CR1: variants seen among roughly 807,000 people sequenced by gnomAD.
The protein encoded by CR1 is complement C3b/C4b receptor 1 (Knops blood group).
CR1 carries 116 observed loss-of-function variants against 187.3 expected under a neutral mutation model. The observed-to-expected ratio is 0.62, with a 90% CI of 0.53 to 0.72. The LOEUF (loss-of-function observed/expected upper bound fraction) is 0.72. Among genes scored for constraint, CR1 ranks in the 30% least tolerant of loss-of-function variants. The probability of loss-of-function intolerance (pLI) is 0.00; values close to 1 mark genes in which losing one functional copy is unlikely to be tolerated. For missense variants in CR1, 1,731 were observed against 2,110.7 expected (o/e 0.82, Z 3.52); for synonymous variants, 576 against 747.1 (o/e 0.77, Z 3.73).
intron 36 of CR1, among the ~76,000 whole-genome samples, chr1:207,608,114 C>A (rs993076516): frequency 6.6e-6 from 1 of 152,148 alleles, no homozygotes; most frequent in African/African-American, 2.4e-5. Context: ...CAGAGATACT[C>A]AATGCAATAA....
intron 3 of CR1, among the ~76,000 whole-genome samples, chr1:207,511,201 A>C (rs1284292105): frequency 2.0e-5 from 3 of 152,200 alleles, no homozygotes; most frequent in Non-Finnish European, 4.4e-5. Flanking sequence ...AGGCAAAGAA[A>C]TACATACAAC....
rs776791838 is a variant in CR1 at position 207,640,171 on chromosome 1, T to G, written c.*762T>G. The stretch of plus-strand genomic sequence containing the variant: ...TCTGGCTCTGTCTCCCAGGCTGGAG[T>G]GCAGTGGCGTAATCTCGGCTCACTG... On this transcript the variant is annotated 3_prime_UTR_variant, in exon 47 of 47. Transcript: ENST00000367049. 2 of 152,146 alleles carry G rather than the reference T, an allele frequency of 1.3e-5. No individual in the cohort carries two copies. Among genetic ancestry groups the G allele is most frequent in the Non-Finnish European group, 2.9e-5 (2 of 68,040 alleles). 9.4% of individuals were successfully genotyped at this position (152,146 alleles called of 1,614,324 possible).
Position 207,586,094 on chromosome 1 carries a change from G to A in CR1, c.5530+1218G>A, listed in dbSNP as rs186522421. 1.6e-3 allele frequency among the ~76,000 whole-genome samples: 246 copies of A among 151,782 alleles called. 1 individual carries two copies. The highest frequency in any genetic ancestry group is 0.01 in the Middle Eastern group (3 of 294). ...TTACAGAAGGCTGATGGCTTAGTCT[G>A]TTTTGTTCTGGTTCTTTTTTTGTTT... is the stretch of plus-strand genomic sequence containing the variant. On this transcript the variant is annotated intron_variant, in intron 33 of 46. Coordinates refer to ENST00000367049, the MANE Select transcript of CR1 (RefSeq NM_000651.6).
At chr1:207,609,883 G>A (rs578043778) in intron 37 of CR1, among the ~76,000 whole-genome samples, 195 bp downstream of exon 37, 1 of 152,290 alleles carries the variant, frequency 6.6e-6, no homozygotes, top group South Asian at 2.1e-4. Flanking sequence ...ACATATTTTA[G>A]ATGCATTTTT....
chr1:207,617,861 G>A (rs893687778), intron 41 of CR1, among the ~76,000 whole-genome samples: 2 of 151,744 alleles, frequency 1.3e-5, no homozygotes, highest in East Asian at 1.9e-4. Context: ...TGAAGTTAGA[G>A]ACTGTAGAGG....
intron 45 of CR1, among the ~76,000 whole-genome samples, chr1:207,624,979 C>T (rs1662436355): frequency 6.6e-6 from 1 of 152,162 alleles, no homozygotes; most frequent in South Asian, 2.1e-4. Context: ...ATTTGATTAT[C>T]TCCACCCTTC....
intron 45 of CR1, among the ~76,000 whole-genome samples, chr1:207,624,117 G>A (rs1459676794): frequency 6.6e-6 from 1 of 151,608 alleles, no homozygotes; most frequent in Non-Finnish European, 1.5e-5. Flanking sequence ...GTACAGAAAG[G>A]GTTTTGCCAT....
chr1:207,577,056 G>C (rs576000494), intron 28 of CR1, among the ~76,000 whole-genome samples: 6 of 152,102 alleles, frequency 3.9e-5, no homozygotes, highest in Non-Finnish European at 8.8e-5. Flanking sequence ...TTCGAGACCA[G>C]CCTGGCCAAC....
chr1:207,596,977 A>G lies in CR1; in HGVS notation c.5810+8203A>G, dbSNP rs1007709209. 2.0e-5 allele frequency among the ~76,000 whole-genome samples: 3 copies of G among 149,086 alleles called. No homozygotes were observed. The East Asian group carries it at 5.8e-4, about 29-fold the overall frequency. ...TGTATCCCCTACATAGTATAAGTTT[A>G]TCATAGTTTTTCTTACTTCATTCCT... On this transcript the variant is annotated intron_variant, in intron 35 of 46. Coordinates refer to ENST00000367049, the MANE Select transcript of CR1 (RefSeq NM_000651.6).
intron 33 of CR1, among the ~76,000 whole-genome samples, chr1:207,586,576 T>G (rs1046659086): frequency 6.6e-6 from 1 of 152,260 alleles, no homozygotes; most frequent in African/African-American, 2.4e-5. Context: ...TTTTGTAGGC[T>G]GAAATTGAGA....
chr1:207,617,507 A>ATATATATATG (rs1332301171), intron 41 of CR1, among the ~76,000 whole-genome samples: 17 of 47,026 alleles, frequency 3.6e-4, no homozygotes, highest in East Asian at 9.2e-4. Flanking sequence ...ATATATATAT[A>ATATATATATG]TGTGTGTGTG....
intron 35 of CR1, chr1:207,600,982 T>TA (rs1389894231): frequency 6.6e-6 from 1 of 152,280 alleles, no homozygotes. Context: ...TCCTTTTTGT[T>TA]ACTTGACAGG....
At chr1:207,581,439 G>GTA (rs948822710) in intron 31 of CR1, among the ~76,000 whole-genome samples, 2 of 149,898 alleles carry the variant, frequency 1.3e-5, no homozygotes, top group Admixed American at 6.7e-5. Flanking sequence ...ATATACATAT[G>GTA]TATATACATA....
chr1:207,634,613 C>T (rs1029242204), intron 46 of CR1, among the ~76,000 whole-genome samples: 5 of 144,356 alleles, frequency 3.5e-5, no homozygotes, highest in African/African-American at 8.1e-5. Context: ...CAGTAATAAC[C>T]GGGGAACAGA....
In CR1 at chr1:207,496,389, G is replaced by A; in HGVS notation, c.121+1G>A. ...CTGCTTGCGCTGCCGGTGGCCTGGG[G>A]TGAGAGGCGGGCGGGCGTGGGGAGG... On this transcript the variant is annotated splice_donor_variant, in intron 1 of 46. Transcript: ENST00000367049. LOFTEE classifies it high-confidence loss of function. 6.2e-7 allele frequency: 1 copy of A among 1,607,336 alleles called. No homozygotes were observed. The highest frequency in any genetic ancestry group is 1.3e-5 in the African/African-American group (1 of 74,914).
intron 43 of CR1, among the ~76,000 whole-genome samples, chr1:207,621,021 C>T (rs994973065): frequency 9.9e-5 from 15 of 152,158 alleles, no homozygotes; most frequent in African/African-American, 3.4e-4. Flanking sequence ...TGCCTGTAAT[C>T]CCAGCACTTT....
intron 3 of CR1, among the ~76,000 whole-genome samples, chr1:207,510,746 T>TTCCTTCCTTCC (rs1199161799): frequency 0.04 from 5,978 of 148,490 alleles, 285 homozygotes; most frequent in African/African-American, 0.089. Context: ...TCCTTCCTTC[T>TTCCTTCCTTCC]TTCCTTCCTT....
chr1:207,634,121 A>G (rs1662736569), intron 46 of CR1, among the ~76,000 whole-genome samples: 1 of 152,130 alleles, frequency 6.6e-6, no homozygotes, highest in Non-Finnish European at 1.5e-5. Context: ...GTGATTCTTC[A>G]GTTACTTCAG....
chr1:207,509,937 G>A (rs540272403), intron 3 of CR1, among the ~76,000 whole-genome samples: 71 of 152,284 alleles, frequency 4.7e-4, no homozygotes, highest in African/African-American at 1.5e-3. Context: ...AAATAAGGCC[G>A]GGTGTGCTGG....
Sources: gnomAD v4.1 joint callset for allele counts (sites outside exome capture counted in the v4.1 genomes callset) on GRCh38, gnomAD v4.1.1 for gene constraint, MANE v1.5 for transcripts, NCBI Gene and HGNC (gene_info 2026-07-23, HGNC 2026-07-21) for gene names.